The following BICC1 variants were observed in gnomAD, a reference collection of about 807,000 sequenced individuals.
BICC1 encodes BicC family RNA binding protein 1, also known as protein bicaudal C homolog 1.
Under a neutral mutation model 111.0 loss-of-function variants are expected in BICC1, and 43 were observed. The observed-to-expected ratio is 0.39, with a 90% confidence interval of 0.30 to 0.50. The LOEUF is 0.50. Ranked by LOEUF, BICC1 falls within the 20% of genes least tolerant of loss-of-function variation. The pLI is 0.88. For synonymous variants in BICC1, 467 were observed against 434.4 expected (o/e 1.07, Z -0.93); for missense variants, 1,091 against 1,203.2 (o/e 0.91, Z 1.38).
chr10:58,665,256 C>T (rs552801857), intron 2 of BICC1, among the ~76,000 whole-genome samples: 1 of 152,232 alleles, frequency 6.6e-6, no homozygotes, highest in East Asian at 1.9e-4. Context: ...TTGAAATCTG[C>T]AAGATCAATT....
At chr10:58,706,488 C>T (rs1220795705) in intron 3 of BICC1, among the ~76,000 whole-genome samples, 2 of 152,204 alleles carry the variant, frequency 1.3e-5, no homozygotes, top group Admixed American at 6.5e-5. Context: ...GCTCATCAGT[C>T]TCTTCTTAGA....
At chr10:58,600,836 C>A (rs908987159) in intron 1 of BICC1, among the ~76,000 whole-genome samples, 2 of 151,896 alleles carry the variant, frequency 1.3e-5, no homozygotes, top group Non-Finnish European at 2.9e-5. Flanking sequence ...TTTAATAATA[C>A]ATTATATAAT....
intron 20 of BICC1, among the ~76,000 whole-genome samples, chr10:58,821,216 G>A (rs895673831): frequency 1.3e-5 from 2 of 152,124 alleles, no homozygotes; most frequent in African/African-American, 4.8e-5. Flanking sequence ...AATGGGATTA[G>A]TTTTTGAAGA....
chr10:58,676,811 T>C (rs1209334631), intron 2 of BICC1, among the ~76,000 whole-genome samples: 1 of 152,154 alleles, frequency 6.6e-6, no homozygotes, highest in Admixed American at 6.5e-5. Context: ...CTGGCTGGCA[T>C]CTGGCGGGTG....
In BICC1 at chr10:58,828,964, G is replaced by C; in HGVS notation, c.*73G>C. 2 of 1,575,734 alleles carry C rather than the reference G, an allele frequency of 1.3e-6. No homozygotes were observed. Among genetic ancestry groups the C allele is most frequent in the South Asian group, 2.3e-5 (2 of 87,814 alleles). On this transcript the variant is annotated 3_prime_UTR_variant, in exon 21 of 21. Coordinates refer to ENST00000373886, the MANE Select transcript of BICC1 (RefSeq NM_001080512.3). ...AGGAGATGTATGAACAGCCTTCACA[G>C]CACACCATCCTTAGCACTCTGGGTG... is the stretch of plus-strand genomic sequence containing the variant.
chr10:58,679,412 A>G (rs1222673236), intron 2 of BICC1, among the ~76,000 whole-genome samples: 1 of 152,252 alleles, frequency 6.6e-6, no homozygotes, highest in East Asian at 1.9e-4. Flanking sequence ...AAGCACCTGT[A>G]TGCAAATAAA....
chr10:58,565,255 TTGCATCTGTTATGTCCATG>T (rs1843720788), intron 1 of BICC1, among the ~76,000 whole-genome samples: 1 of 152,262 alleles, frequency 6.6e-6, no homozygotes, highest in South Asian at 2.1e-4. Context: ...CATAATTATT[TTGCATCTGTTATGTCCATG>T]TGCCTAGGAA....
intron 3 of BICC1, among the ~76,000 whole-genome samples, chr10:58,708,536 C>A (rs1840470822): frequency 6.6e-6 from 1 of 151,956 alleles, no homozygotes; most frequent in African/African-American, 2.4e-5. Flanking sequence ...GAGAGACTTC[C>A]AGCCTGCAGT....
intron 1 of BICC1, among the ~76,000 whole-genome samples, chr10:58,528,571 A>G (rs1658485): frequency 0.46 from 69,784 of 151,684 alleles, 17,113 homozygotes; most frequent in Admixed American, 0.62. Context: ...ATTAAGAATA[A>G]CCTTTTATGT....
intron 1 of BICC1, among the ~76,000 whole-genome samples, chr10:58,566,293 T>TAC (rs1554807060): frequency 4.0e-5 from 6 of 150,390 alleles, no homozygotes; most frequent in Non-Finnish European, 5.9e-5. Context: ...TACAAACATG[T>TAC]ACACACACAC....
At chr10:58,684,591 G>A (rs1415674271) in intron 2 of BICC1, among the ~76,000 whole-genome samples, 9 of 152,030 alleles carry the variant, frequency 5.9e-5, no homozygotes, top group Non-Finnish European at 1.3e-4. Context: ...ACTTCTTCCT[G>A]GTTTAGTCTT....
intron 3 of BICC1, among the ~76,000 whole-genome samples, chr10:58,722,671 A>G (rs1481239906): frequency 2.6e-5 from 4 of 152,222 alleles, no homozygotes; most frequent in Non-Finnish European, 5.9e-5. Flanking sequence ...TCTAGAGGAC[A>G]ATGATCAGAA....
intron 3 of BICC1, among the ~76,000 whole-genome samples, chr10:58,766,187 G>A (rs574060769): frequency 6.6e-6 from 1 of 152,100 alleles, no homozygotes; most frequent in Non-Finnish European, 1.5e-5. Flanking sequence ...AGTTGCAGAG[G>A]AGGTTTATAC....
At chr10:58,820,107 G>A (rs1258430115) in intron 19 of BICC1, among the ~76,000 whole-genome samples, 1 of 152,068 alleles carries the variant, frequency 6.6e-6, no homozygotes, top group Non-Finnish European at 1.5e-5. Context: ...CCTTTTATCA[G>A]TTCACAAAAA....
At chr10:58,775,335 C>G (rs1842720345) in intron 3 of BICC1, among the ~76,000 whole-genome samples, 1 of 151,652 alleles carries the variant, frequency 6.6e-6, no homozygotes, top group African/African-American at 2.4e-5. Flanking sequence ...GATCGTGCCA[C>G]TGCACTCCAG....
At chr10:58,752,718 A>G (rs957384263) in intron 3 of BICC1, among the ~76,000 whole-genome samples, 46 of 152,200 alleles carry the variant, frequency 3.0e-4, no homozygotes, top group African/African-American at 9.2e-4. Context: ...TCAAAACCAT[A>G]GTGGTGGGCA....
chr10:58,818,393 C>G (rs1466341572), intron 19 of BICC1, among the ~76,000 whole-genome samples: 1 of 152,122 alleles, frequency 6.6e-6, no homozygotes, highest in South Asian at 2.1e-4. Context: ...ACAGCTAACT[C>G]AAAGTGTCAG....
chr10:58,761,042 G>GA (rs1842300845), intron 3 of BICC1, among the ~76,000 whole-genome samples: 1 of 151,790 alleles, frequency 6.6e-6, no homozygotes, highest in African/African-American at 2.4e-5. Context: ...TTTTTTAATA[G>GA]AGACAGGGTT....
At chr10:58,647,445 G>A (rs1838303196) in intron 2 of BICC1, among the ~76,000 whole-genome samples, 1 of 152,082 alleles carries the variant, frequency 6.6e-6, no homozygotes, top group Non-Finnish European at 1.5e-5. Flanking sequence ...AAGTTTGGAA[G>A]AACTTAAAGA....
Sources: gnomAD v4.1 joint callset for allele counts (sites outside exome capture counted in the v4.1 genomes callset) on GRCh38, gnomAD v4.1.1 for gene constraint, MANE v1.5 for transcripts, NCBI Gene and HGNC (gene_info 2026-07-23, HGNC 2026-07-21) for gene names.